The following GRAMD2B variants were observed in gnomAD, a reference collection of about 807,000 sequenced individuals.
GRAMD2B encodes the protein GRAM domain-containing protein 2B.
GRAMD2B carries 41 observed loss-of-function variants against 59.2 expected under a neutral mutation model. The ratio of observed to expected loss-of-function variants is 0.69; its 90% CI spans 0.54 to 0.90. The LOEUF is 0.90. GRAMD2B is among the 40% of genes least tolerant of loss of function. GRAMD2B has a pLI of 0.00. For missense variants in GRAMD2B, 424 were observed against 500.5 expected, an observed-to-expected ratio of 0.85 and a Z score of 1.46; for synonymous variants, 161 against 182.7, an observed-to-expected ratio of 0.88 and a Z score of 0.96.
intron 4 of GRAMD2B, among the ~76,000 whole-genome samples, chr5:126,472,942 G>A (rs1160463390): frequency 2.6e-5 from 4 of 152,192 alleles, no homozygotes. Flanking sequence ...GGGAAAAGGG[G>A]AACAGGTGTA....
At chr5:126,484,623 C>A in intron 10 of GRAMD2B, 99 bp downstream of exon 10, 1 of 1,270,746 alleles carries the variant, frequency 7.9e-7, no homozygotes, top group East Asian at 2.5e-5. Flanking sequence ...CTCTATCACC[C>A]AGGCTGCTGT....
intron 5 of GRAMD2B, among the ~76,000 whole-genome samples, chr5:126,475,926 T>A (rs1273610587): frequency 1.3e-5 from 2 of 152,140 alleles, no homozygotes; most frequent in Non-Finnish European, 2.9e-5. Context: ...CCGAACAACA[T>A]AGAGAAACCC....
intron 10 of GRAMD2B, among the ~76,000 whole-genome samples, 174 bp from the exon 11 acceptor site, chr5:126,485,512 G>A (rs186436742): frequency 6.6e-6 from 1 of 152,314 alleles, no homozygotes; most frequent in East Asian, 1.9e-4. Flanking sequence ...TCAATGGAAT[G>A]TGTTGGAAGG....
At chr5:126,411,122 G>A (rs1758743415) in intron 1 of GRAMD2B, among the ~76,000 whole-genome samples, 1 of 151,854 alleles carries the variant, frequency 6.6e-6, no homozygotes, top group African/African-American at 2.4e-5. Flanking sequence ...GGTCCCTCTT[G>A]TCAATTTTTG....
intron 2 of GRAMD2B, among the ~76,000 whole-genome samples, chr5:126,469,365 G>A (rs11742753): frequency 0.038 from 5,758 of 152,268 alleles, 163 homozygotes; most frequent in Non-Finnish European, 0.058. Context: ...TCATAGGCCA[G>A]GTGTGGTGAC....
rs185475777 is a variant in GRAMD2B at position 126,393,875 on chromosome 5, A to G, written c.125+22308A>G. ...TAATCCCACACAGACCAGGCCTTCC[A>G]TGAACCATCCTGAGTACCATGTAAA... On this transcript the variant is annotated intron_variant, in intron 1 of 8. Transcript: ENST00000506445. Among the ~76,000 whole-genome samples, 259 of 152,320 alleles carry G rather than the reference A, an allele frequency of 1.7e-3. 1 individual carries two copies. The highest frequency in any genetic ancestry group is 2.9e-3 in the Non-Finnish European group (199 of 68,028).
chr5:126,363,321 G>A (rs1754305064), intron 1 of GRAMD2B, among the ~76,000 whole-genome samples: 1 of 151,994 alleles, frequency 6.6e-6, no homozygotes, highest in Admixed American at 6.6e-5. Flanking sequence ...AAAAAAAGAA[G>A]TGTTGGCAAG....
intron 1 of GRAMD2B, among the ~76,000 whole-genome samples, chr5:126,424,433 AT>A (rs1388608842): frequency 6.6e-6 from 1 of 152,208 alleles, no homozygotes; most frequent in African/African-American, 2.4e-5. Context: ...GTATCAGGAT[AT>A]GAGTAATTTA....
chr5:126,462,589 CATTGAACGTATA>C, intron 1 of GRAMD2B: 1 of 254,760 alleles, frequency 3.9e-6, no homozygotes, highest in Non-Finnish European at 6.2e-6. Flanking sequence ...TAATCCATAT[CATTGAACGTATA>C]AATGACCACT....
At chr5:126,430,726 C>A (rs949941546) in intron 1 of GRAMD2B, among the ~76,000 whole-genome samples, 2 of 152,136 alleles carry the variant, frequency 1.3e-5, no homozygotes, top group African/African-American at 4.8e-5. Flanking sequence ...TTTCATGTAG[C>A]AAAAGAAACA....
At chr5:126,376,652 C>T (rs1369971770) in intron 1 of GRAMD2B, among the ~76,000 whole-genome samples, 1 of 152,168 alleles carries the variant, frequency 6.6e-6, no homozygotes, top group African/African-American at 2.4e-5. Context: ...AGCGCCTGTT[C>T]ACAAGACTGC....
chr5:126,491,402 G>A (rs1398975690), intron 13 of GRAMD2B, among the ~76,000 whole-genome samples: 2 of 152,210 alleles, frequency 1.3e-5, no homozygotes, highest in Non-Finnish European at 2.9e-5. Context: ...ATAGTAGAAA[G>A]AGCATAAATG....
At chr5:126,461,756 C>T (rs1767411583) in intron 1 of GRAMD2B, among the ~76,000 whole-genome samples, 2 of 152,076 alleles carry the variant, frequency 1.3e-5, no homozygotes, top group Non-Finnish European at 1.5e-5. Context: ...GCAGAGATCA[C>T]GCCATTGCAC....
At chr5:126,408,699 T>TG (rs535538679) in intron 1 of GRAMD2B, among the ~76,000 whole-genome samples, 136 of 151,082 alleles carry the variant, frequency 9.0e-4, no homozygotes, top group Middle Eastern at 3.4e-3. Flanking sequence ...CTTTTTTTTT[T>TG]TTGTTATACT....
upstream of GRAMD2B, among the ~76,000 whole-genome samples, chr5:126,421,539 T>C (rs1361508296): frequency 6.6e-6 from 1 of 152,168 alleles, no homozygotes; most frequent in Non-Finnish European, 1.5e-5. Context: ...GCACAGCTCC[T>C]ATAGCAAAGC....
upstream of GRAMD2B, among the ~76,000 whole-genome samples, chr5:126,421,968 C>T (rs1292881741): frequency 1.3e-5 from 2 of 152,266 alleles, no homozygotes; most frequent in African/African-American, 4.8e-5. Flanking sequence ...CTACTGTTGC[C>T]ACTTGTAATT....
At chr5:126,454,304 C>T (rs928266085) in intron 1 of GRAMD2B, among the ~76,000 whole-genome samples, 5 of 152,102 alleles carry the variant, frequency 3.3e-5, no homozygotes, top group Non-Finnish European at 5.9e-5. Context: ...GAGGATGAAT[C>T]GCACATTGAT....
chr5:126,409,247 C>T (rs934882404), intron 1 of GRAMD2B, among the ~76,000 whole-genome samples: 1 of 152,146 alleles, frequency 6.6e-6, no homozygotes, highest in Non-Finnish European at 1.5e-5. Context: ...GTTCTAGATC[C>T]TTGAGGAATC....
chr5:126,403,056 T>C (rs999072633), intron 1 of GRAMD2B, among the ~76,000 whole-genome samples: 2 of 151,892 alleles, frequency 1.3e-5, no homozygotes, highest in Non-Finnish European at 2.9e-5. Context: ...GGAGTTAGGA[T>C]CAAGTCTTTC....
Sources: allele counts gnomAD v4.1 joint callset (sites outside exome capture counted in the v4.1 genomes callset), GRCh38; gene constraint gnomAD v4.1.1; transcripts MANE v1.5; gene names NCBI Gene and HGNC (gene_info 2026-07-23, HGNC 2026-07-21).